The following PRKCH variants were observed in gnomAD, a reference collection of about 807,000 sequenced individuals.
PRKCH encodes protein kinase C eta type.
A neutral mutation model predicts 82.5 loss-of-function variants in PRKCH; 28 were observed. That is an observed-to-expected ratio of 0.34 (90% confidence interval 0.25 to 0.47). The LOEUF is 0.47. PRKCH is among the 20% of genes least tolerant of loss of function. The probability of loss-of-function intolerance (pLI) is 1.00; values close to 1 mark genes in which losing one functional copy is unlikely to be tolerated. For synonymous variants in PRKCH, 322 were observed against 327.4 expected (o/e 0.98, Z 0.18); for missense variants, 705 against 881.8 (o/e 0.80, Z 2.54).
intron 10 of PRKCH, among the ~76,000 whole-genome samples, chr14:61,519,540 T>C (rs1331225688): frequency 6.6e-6 from 1 of 152,186 alleles, no homozygotes; most frequent in Non-Finnish European, 1.5e-5. Flanking sequence ...GGCAACACTT[T>C]CTGGGCTGGA....
intron 1 of PRKCH, among the ~76,000 whole-genome samples, chr14:61,247,406 G>A (rs147977303): frequency 7.9e-5 from 12 of 152,158 alleles, no homozygotes; most frequent in African/African-American, 2.6e-4. Flanking sequence ...TTTGAAAACT[G>A]ATTGATTAAA....
At chr14:61,230,838 T>C (rs1466582946) in intron 1 of PRKCH, among the ~76,000 whole-genome samples, 1 of 152,246 alleles carries the variant, frequency 6.6e-6, no homozygotes, top group Non-Finnish European at 1.5e-5. Flanking sequence ...CCAGAGGAGC[T>C]ACAGTCTTGT....
chr14:61,432,030 C>T (rs947435075), intron 2 of PRKCH, among the ~76,000 whole-genome samples: 2 of 150,044 alleles, frequency 1.3e-5, no homozygotes, highest in Non-Finnish European at 3.0e-5. Flanking sequence ...TCCATTTTTT[C>T]CCACCTCTAT....
At chr14:61,224,365 T>C (rs796912745) in intron 1 of PRKCH, among the ~76,000 whole-genome samples, 6 of 152,356 alleles carry the variant, frequency 3.9e-5, no homozygotes, top group African/African-American at 1.4e-4. Flanking sequence ...CTGACTAGTA[T>C]GTTACTATTA....
At chr14:61,506,730 C>T (rs1228339085) in intron 10 of PRKCH, among the ~76,000 whole-genome samples, 1 of 152,138 alleles carries the variant, frequency 6.6e-6, no homozygotes, top group Non-Finnish European at 1.5e-5. Flanking sequence ...CTTGAACAGG[C>T]ATGTAATGAA....
intron 1 of PRKCH, among the ~76,000 whole-genome samples, chr14:61,251,187 G>A (rs2044943155): frequency 6.6e-6 from 1 of 152,156 alleles, no homozygotes; most frequent in African/African-American, 2.4e-5. Flanking sequence ...ATCCCCTCAA[G>A]CGTTTATCCT....
At chr14:61,313,493 T>G (rs1039869537) in intron 1 of PRKCH, among the ~76,000 whole-genome samples, 1 of 152,236 alleles carries the variant, frequency 6.6e-6, no homozygotes, top group Non-Finnish European at 1.5e-5. Flanking sequence ...GGTCTTGCTC[T>G]GTTGCCCAGG....
chr14:61,400,061 AGAATAAGAGTCT>A (rs1319440349), intron 2 of PRKCH, among the ~76,000 whole-genome samples: 1 of 152,332 alleles, frequency 6.6e-6, no homozygotes, highest in East Asian at 1.9e-4. Context: ...ACAATGGTGC[AGAATAAGAGTCT>A]GATCTTTTTC....
intron 2 of PRKCH, among the ~76,000 whole-genome samples, chr14:61,394,351 T>C (rs2046736773): frequency 6.6e-6 from 1 of 152,150 alleles, no homozygotes; most frequent in African/African-American, 2.4e-5. Context: ...ATCTTTTATG[T>C]ACAGAGAAAA....
intron 9 of PRKCH, among the ~76,000 whole-genome samples, chr14:61,465,073 GGTTGTTTCTTACTATTAA>G (rs1465966280): frequency 6.6e-6 from 1 of 152,020 alleles, no homozygotes; most frequent in African/African-American, 2.4e-5. Context: ...TTTAAAATTG[GGTTGTTTCTTACTATTAA>G]GTTGTTTGAG....
chr14:61,411,562 C>T (rs527972697), intron 2 of PRKCH, among the ~76,000 whole-genome samples: 30 of 152,130 alleles, frequency 2.0e-4, no homozygotes, highest in Non-Finnish European at 3.7e-4. Flanking sequence ...GCCAATGATT[C>T]CTGAGAGATA....
intron 1 of PRKCH, among the ~76,000 whole-genome samples, chr14:61,259,300 C>T (rs2045025470): frequency 6.6e-6 from 1 of 152,182 alleles, no homozygotes; most frequent in Non-Finnish European, 1.5e-5. Context: ...AGCTGCTTTC[C>T]ACAGGGCTCT....
chr14:61,494,420 G>T (rs898967242), intron 10 of PRKCH, among the ~76,000 whole-genome samples: 11 of 152,234 alleles, frequency 7.2e-5, no homozygotes, highest in African/African-American at 1.9e-4. Context: ...TAGAGTATGT[G>T]TGTGACGCTA....
intron 1 of PRKCH, among the ~76,000 whole-genome samples, chr14:61,272,896 C>A (rs765421176): frequency 1.1e-4 from 17 of 152,128 alleles, no homozygotes; most frequent in Non-Finnish European, 2.5e-4. Flanking sequence ...TGGGTCCCTC[C>A]TCTGGTTCCA....
At chr14:61,200,634 C>A (rs1489054979) in intron 1 of PRKCH, among the ~76,000 whole-genome samples, 1 of 152,044 alleles carries the variant, frequency 6.6e-6, no homozygotes, top group Non-Finnish European at 1.5e-5. Flanking sequence ...AATCCTTATC[C>A]AAGGCTTAAT....
chr14:61,362,113 G>A (rs1445216813), intron 1 of PRKCH, among the ~76,000 whole-genome samples: 1 of 152,190 alleles, frequency 6.6e-6, no homozygotes, highest in Non-Finnish European at 1.5e-5. Flanking sequence ...GAAGCGGGAG[G>A]ATTGCTTGAG....
chr14:61,281,870 C>CTTTTTTTTTTTTTTTT (rs71117807), intron 1 of PRKCH: 1 of 94,866 alleles, frequency 1.1e-5, no homozygotes, highest in African/African-American at 5.0e-5. Context: ...CAAATTTTAG[C>CTTTTTTTTTTTTTTTT]TTTTTTTTTT....
At chr14:61,376,910 T>C (rs942221011) in intron 1 of PRKCH, among the ~76,000 whole-genome samples, 7 of 152,380 alleles carry the variant, frequency 4.6e-5, no homozygotes, top group African/African-American at 1.7e-4. Context: ...GCTTCTGTGC[T>C]GTTTTCCACA....
At chr14:61,536,584 T>C (rs1402431585) in intron 12 of PRKCH, among the ~76,000 whole-genome samples, 1 of 152,206 alleles carries the variant, frequency 6.6e-6, no homozygotes, top group East Asian at 1.9e-4. Flanking sequence ...CCTCTTACCT[T>C]TTTAAATGAA....
Sources: allele counts gnomAD v4.1 joint callset (sites outside exome capture counted in the v4.1 genomes callset), GRCh38; gene constraint gnomAD v4.1.1; transcripts MANE v1.5; gene names NCBI Gene and HGNC (gene_info 2026-07-23, HGNC 2026-07-21).